TLN2: variants seen among roughly 807,000 people sequenced by gnomAD.
TLN2 encodes the protein talin 2.
In TLN2, 118 loss-of-function variants were observed where a neutral mutation model predicts 294.7. That is an observed-to-expected ratio of 0.40 (90% CI 0.34 to 0.47). The LOEUF is 0.47. Ranked by LOEUF, TLN2 falls within the 20% of genes least tolerant of loss-of-function variation. The probability of loss-of-function intolerance (pLI) is 0.84; values close to 1 mark genes in which losing one functional copy is unlikely to be tolerated. For missense variants in TLN2, 3,083 were observed against 3,282.2 expected (o/e 0.94, Z 1.48); for synonymous variants, 1,431 against 1,304.5 (o/e 1.10, Z -2.09).
chr15:62,815,172 G>C (rs2141188168), intron 52 of TLN2, among the ~76,000 whole-genome samples: 1 of 127,038 alleles, frequency 7.9e-6, no homozygotes, highest in South Asian at 2.6e-4. Context: ...TTTTTATTCT[G>C]TCTGTCACAC....
chr15:62,551,511 AATAC>A (rs1233034484), intron 1 of TLN2, among the ~76,000 whole-genome samples: 1 of 93,904 alleles, frequency 1.1e-5, no homozygotes, highest in African/African-American at 4.7e-5. Context: ...CTCTACTAAA[AATAC>A]ACACACACAC....
chr15:62,675,182 G>A (rs759030310), intron 10 of TLN2, 35 bp from the exon 11 acceptor site: 4 of 1,600,722 alleles, frequency 2.5e-6, no homozygotes, highest in Non-Finnish European at 3.4e-6. Flanking sequence ...TGGCAGAGAT[G>A]CAATAACTGG....
intron 2 of TLN2, among the ~76,000 whole-genome samples, chr15:62,603,461 A>G (rs929340199): frequency 6.6e-6 from 1 of 151,124 alleles, no homozygotes; most frequent in South Asian, 2.1e-4. Context: ...GAGAGTCCTC[A>G]CTCCTTTGTG....
intron 1 of TLN2, among the ~76,000 whole-genome samples, chr15:62,455,699 G>T (rs1083871): frequency 0.92 from 140,436 of 152,150 alleles, 65,765 homozygotes; most frequent in East Asian, 1. Context: ...TGCCTGTCAC[G>T]GGTCACTGCT....
At chr15:62,807,683 G>A (rs1162264373) in intron 51 of TLN2, among the ~76,000 whole-genome samples, 2 of 152,186 alleles carry the variant, frequency 1.3e-5, no homozygotes, top group Non-Finnish European at 2.9e-5. Flanking sequence ...AGGTAGAACA[G>A]TGTGGGTGCT....
At chr15:62,656,233 T>C in intron 8 of TLN2, 147 bp downstream of exon 8, 1 of 1,008,744 alleles carries the variant, frequency 9.9e-7, no homozygotes, top group Non-Finnish European at 1.4e-6. Flanking sequence ...TCCCCGCATG[T>C]GTTTGGTTGT....
rs562390849 is a variant in TLN2, at chr15:62,445,404, G to A, written c.-238+54719G>A. Among the ~76,000 whole-genome samples, 16 of 152,288 alleles carry A rather than the reference G, an allele frequency of 1.1e-4. No homozygotes were observed. The South Asian group carries it at 3.3e-3, about 32-fold the overall frequency. ...TACTTTTATGCTGGTGGAGGAATAA[G>A]AGGTATCACAGTGTCATCATTGGAA... On this transcript the variant is annotated intron_variant, in intron 1 of 58. Transcript: ENST00000636159.
intron 1 of TLN2, among the ~76,000 whole-genome samples, chr15:62,486,452 G>GTTTTTTTTT (rs34975634): frequency 1.2e-4 from 11 of 93,286 alleles, no homozygotes; most frequent in South Asian, 3.2e-4. Context: ...CAGTTCCTTT[G>GTTTTTTTTT]TTTTTTTTTT....
intron 45 of TLN2, among the ~76,000 whole-genome samples, chr15:62,788,795 C>T (rs574258655): frequency 1.2e-4 from 19 of 152,348 alleles, no homozygotes; most frequent in Admixed American, 9.8e-4. Context: ...CCTCCTTTTC[C>T]AGCAGTACAC....
chr15:62,524,406 AT>A (rs1179540597), intron 1 of TLN2, among the ~76,000 whole-genome samples: 1 of 152,078 alleles, frequency 6.6e-6, no homozygotes, highest in Non-Finnish European at 1.5e-5. Context: ...GTAGGAAGCA[AT>A]TTAGGCATGG....
At chr15:62,505,696 G>C (rs749323346) in intron 1 of TLN2, among the ~76,000 whole-genome samples, 25 of 152,278 alleles carry the variant, frequency 1.6e-4, no homozygotes, top group African/African-American at 5.8e-4. Flanking sequence ...CCCTGTGCTT[G>C]GTTAAGAATT....
At chr15:62,770,876 T>C in intron 41 of TLN2, 88 bp from the exon 42 acceptor site, 1 of 1,492,578 alleles carries the variant, frequency 6.7e-7, no homozygotes, top group Non-Finnish European at 8.9e-7. Flanking sequence ...CCAGTCCTGT[T>C]CCCCTCCCGC....
At chr15:62,722,295 C>T (rs913092888) in intron 25 of TLN2, 58 bp from the exon 26 acceptor site, 15 of 1,548,314 alleles carry the variant, frequency 9.7e-6, no homozygotes, top group African/African-American at 1.4e-5. Context: ...GCTTAGGTCT[C>T]TCCTCTCTAC....
chr15:62,702,738 C>T (rs751766281), intron 18 of TLN2, 28 bp from the exon 19 acceptor site: 9 of 1,609,222 alleles, frequency 5.6e-6, no homozygotes, highest in Non-Finnish European at 7.7e-6. Context: ...CGTTTTCTTT[C>T]CAATTAAGGT....
intron 28 of TLN2, among the ~76,000 whole-genome samples, chr15:62,735,598 G>A (rs530482957): frequency 6.6e-6 from 1 of 152,354 alleles, no homozygotes; most frequent in East Asian, 1.9e-4. Context: ...TGGCTAGGAT[G>A]TAGAGCAACT....
chr15:62,538,910 C>T (rs1379559764), intron 1 of TLN2, among the ~76,000 whole-genome samples: 1 of 152,112 alleles, frequency 6.6e-6, no homozygotes, highest in Non-Finnish European at 1.5e-5. Flanking sequence ...GCTTTATTAC[C>T]TGCTGATTAC....
chr15:62,753,416 A>G (rs1227066781), intron 35 of TLN2, among the ~76,000 whole-genome samples: 2 of 152,164 alleles, frequency 1.3e-5, no homozygotes, highest in Admixed American at 6.5e-5. Flanking sequence ...CTGCCAGCCA[A>G]AGAGTCAGCT....
At chr15:62,780,453 A>G (rs2064063242) in intron 43 of TLN2, among the ~76,000 whole-genome samples, 1 of 152,202 alleles carries the variant, frequency 6.6e-6, no homozygotes, top group Non-Finnish European at 1.5e-5. Flanking sequence ...AAGCAGCCCG[A>G]GGTTCATTCA....
chr15:62,405,036 G>GT (rs2033305905), intron 1 of TLN2, among the ~76,000 whole-genome samples: 1 of 152,194 alleles, frequency 6.6e-6, no homozygotes, highest in Admixed American at 6.5e-5. Flanking sequence ...AAGAAAGGTG[G>GT]TTGGAATGGC....
Sources: gnomAD v4.1 joint callset for allele counts (sites outside exome capture counted in the v4.1 genomes callset) on GRCh38, gnomAD v4.1.1 for gene constraint, MANE v1.5 for transcripts, NCBI Gene and HGNC (gene_info 2026-07-23, HGNC 2026-07-21) for gene names.